The following SGCD variants were observed in gnomAD, a reference collection of about 807,000 sequenced individuals.
SGCD encodes delta-sarcoglycan.
SGCD carries 18 observed loss-of-function variants against 36.6 expected under a neutral mutation model. The observed-to-expected ratio is 0.49, with a 90% CI of 0.34 to 0.73. SGCD has a LOEUF of 0.73. Ranked by LOEUF, SGCD falls within the 30% of genes least tolerant of loss-of-function variation. The probability of loss-of-function intolerance (pLI) is 0.01; values close to 1 mark genes in which losing one functional copy is unlikely to be tolerated. For synonymous variants in SGCD, 133 were observed against 130.6 expected (o/e 1.02, Z -0.12); for missense variants, 387 against 346.7 (o/e 1.12, Z -0.92).
At chr5:156,410,168 G>T (rs186539658) in intron 3 of SGCD, among the ~76,000 whole-genome samples, 3 of 152,244 alleles carry the variant, frequency 2.0e-5, no homozygotes, top group Non-Finnish European at 2.9e-5. Context: ...ATTGGATAAA[G>T]AAAATATGGT....
At chr5:156,440,244 C>T (rs1271458584) in intron 3 of SGCD, among the ~76,000 whole-genome samples, 3 of 152,128 alleles carry the variant, frequency 2.0e-5, no homozygotes, top group East Asian at 3.9e-4. Context: ...CAACATTTGG[C>T]TTTTGGTGTC....
At chr5:156,094,070 A>T (rs1230023634) in intron 1 of SGCD, among the ~76,000 whole-genome samples, 2 of 152,180 alleles carry the variant, frequency 1.3e-5, no homozygotes, top group African/African-American at 4.8e-5. Context: ...CAGTTCCCTC[A>T]TCATACTCTG....
At chr5:156,233,057 T>C (rs890597870) in intron 3 of SGCD, among the ~76,000 whole-genome samples, 9 of 152,222 alleles carry the variant, frequency 5.9e-5, no homozygotes, top group Non-Finnish European at 1.0e-4. Flanking sequence ...AATATGTATA[T>C]ATTCTTGACA....
At chr5:156,053,986 C>G (rs1195874251) in intron 1 of SGCD, among the ~76,000 whole-genome samples, 1 of 145,458 alleles carries the variant, frequency 6.9e-6, no homozygotes, top group Non-Finnish European at 1.5e-5. Flanking sequence ...AACTTAATGA[C>G]TTCCCAAAGG....
At chr5:156,394,548 T>G (rs1771752533) in intron 3 of SGCD, among the ~76,000 whole-genome samples, 1 of 152,212 alleles carries the variant, frequency 6.6e-6, no homozygotes, top group African/African-American at 2.4e-5. Context: ...TTTAGCTACT[T>G]AAGTTCCTAG....
intron 3 of SGCD, among the ~76,000 whole-genome samples, chr5:156,442,352 T>C (rs1174828219): frequency 6.6e-6 from 1 of 152,186 alleles, no homozygotes; most frequent in Non-Finnish European, 1.5e-5. Context: ...TTGGTTTACA[T>C]TGGTTTAAAC....
At chr5:156,606,484 C>A (rs1440315422) in intron 6 of SGCD, among the ~76,000 whole-genome samples, 1 of 152,174 alleles carries the variant, frequency 6.6e-6, no homozygotes, top group Non-Finnish European at 1.5e-5. Flanking sequence ...TAGCATGATG[C>A]CTCCAGCTTT....
intron 1 of SGCD, among the ~76,000 whole-genome samples, chr5:156,008,553 C>T (rs1005609189): frequency 6.6e-6 from 1 of 151,920 alleles, no homozygotes; most frequent in Non-Finnish European, 1.5e-5. Flanking sequence ...TTTTTTAATT[C>T]TTTGTAGAGA....
intron 3 of SGCD, among the ~76,000 whole-genome samples, chr5:156,249,014 T>A (rs550765726): frequency 6.6e-6 from 1 of 152,308 alleles, no homozygotes; most frequent in African/African-American, 2.4e-5. Flanking sequence ...CTCTTTGAGA[T>A]GTATTGAGTT....
In SGCD at chr5:156,512,663, A is replaced by G. The variant is rs139693198; in HGVS notation, c.294+3961A>G. On this transcript the variant is annotated intron_variant, in intron 4 of 8. Transcript: ENST00000337851. ...CACTTCTGATAAGTTACAATCTGATAAGTTCTAAAATATGTCTGTTCACAT... is the reference window on the plus strand; with the variant it reads ...CACTTCTGATAAGTTACAATCTGATGAGTTCTAAAATATGTCTGTTCACAT... Among the ~76,000 whole-genome samples the G allele has an allele frequency of 1.0e-3, 156 of 152,300 alleles. 1 individual carries two copies. The highest frequency in any genetic ancestry group is 3.5e-3 in the African/African-American group (146 of 41,556).
intron 3 of SGCD, among the ~76,000 whole-genome samples, chr5:156,272,778 A>G (rs1248761085): frequency 6.6e-6 from 1 of 152,220 alleles, no homozygotes; most frequent in African/African-American, 2.4e-5. Context: ...TAGAGCAGGG[A>G]AAGGCAAACT....
intron 1 of SGCD, among the ~76,000 whole-genome samples, chr5:155,932,263 TTTAA>T (rs1757113837): frequency 6.6e-6 from 1 of 152,204 alleles, no homozygotes. Flanking sequence ...CATTTATATA[TTTAA>T]TTGAGTAATT....
At chr5:156,674,961 T>C (rs577009893) in intron 7 of SGCD, among the ~76,000 whole-genome samples, 5 of 152,318 alleles carry the variant, frequency 3.3e-5, no homozygotes, top group African/African-American at 9.6e-5. Flanking sequence ...GAGAGGTTAA[T>C]GTGAAATGCC....
chr5:155,808,101 C>A, the SGCD span, among the ~76,000 whole-genome samples: 1 of 152,146 alleles, frequency 6.6e-6, no homozygotes, highest in Admixed American at 6.5e-5. Context: ...AGGGTTCTGC[C>A]CTGCCCTTAT....
chr5:155,796,560 T>C, the SGCD span, among the ~76,000 whole-genome samples: 4 of 151,622 alleles, frequency 2.6e-5, no homozygotes, highest in East Asian at 3.9e-4. Flanking sequence ...TCCCAGCACT[T>C]TGGGAGGCCG....
At chr5:155,969,582 T>A (rs1757968388) in intron 1 of SGCD, among the ~76,000 whole-genome samples, 1 of 152,116 alleles carries the variant, frequency 6.6e-6, no homozygotes, top group South Asian at 2.1e-4. Context: ...GGTGTGAGAA[T>A]AACACGCAGA....
intron 3 of SGCD, among the ~76,000 whole-genome samples, chr5:156,273,974 G>A (rs975544493): frequency 1.1e-4 from 17 of 152,042 alleles, no homozygotes; most frequent in African/African-American, 3.4e-4. Context: ...ATCATGTCAC[G>A]CTGGAATACC....
At chr5:155,738,019 G>A in the SGCD span, among the ~76,000 whole-genome samples, 1 of 152,100 alleles carries the variant, frequency 6.6e-6, no homozygotes, top group Non-Finnish European at 1.5e-5. Flanking sequence ...GAGGGAAGAA[G>A]CATTGATGCC....
At chr5:156,483,372 A>G (rs1344141505) in intron 3 of SGCD, among the ~76,000 whole-genome samples, 6 of 152,292 alleles carry the variant, frequency 3.9e-5, no homozygotes, top group Middle Eastern at 6.8e-3. Flanking sequence ...AGAATCTCAG[A>G]TGTCTGACTG....
Sources: allele counts gnomAD v4.1 joint callset (sites outside exome capture counted in the v4.1 genomes callset), GRCh38; gene constraint gnomAD v4.1.1; transcripts MANE v1.5; gene names NCBI Gene and HGNC (gene_info 2026-07-23, HGNC 2026-07-21).